IQSEC1: variants seen among roughly 807,000 people sequenced by gnomAD.
The protein encoded by IQSEC1 is IQ motif and SEC7 domain-containing protein 1.
Under a neutral mutation model 91.0 loss-of-function variants are expected in IQSEC1, and 31 were observed. That is an observed-to-expected ratio of 0.34 (90% CI 0.26 to 0.46). The LOEUF is 0.46. Ranked by LOEUF, IQSEC1 falls within the 20% of genes least tolerant of loss-of-function variation. The probability of loss-of-function intolerance (pLI) is 1.00; values close to 1 mark genes in which losing one functional copy is unlikely to be tolerated. For synonymous variants in IQSEC1, 699 were observed against 662.6 expected (o/e 1.05, Z -0.84); for missense variants, 1,388 against 1,575.6 (o/e 0.88, Z 2.02).
In IQSEC1 at chr3:12,908,853, G is replaced by A. The variant is rs910549332; in HGVS notation, c.2579-328C>T. Among the ~76,000 whole-genome samples, 1 of 152,050 alleles carries A rather than the reference G, an allele frequency of 6.6e-6. No individual in the cohort carries two copies. Among genetic ancestry groups the A allele is most frequent in the Admixed American group, 6.5e-5 (1 of 15,274 alleles). On this transcript the variant is annotated intron_variant, in intron 11 of 13. Coordinates refer to ENST00000613206, the MANE Select transcript of IQSEC1 (RefSeq NM_001134382.3). The surrounding 1 kb of genome is among the most constrained non-coding windows in gnomAD (Gnocchi z 4.9). The stretch of plus-strand genomic sequence containing the variant: ...GCCAGGGTCTTCCACAGAGAGGGCA[G>A]TGGTAGGGAGTCCCATGTGCCTCCA...
At chr3:12,960,495 T>A (rs2010330) in intron 1 of IQSEC1, 37,682 of 152,194 alleles carry the variant, frequency 0.25, 5,694 homozygotes, top group Non-Finnish European at 0.33. Context: ...CCTCCCTGCC[T>A]CTGCCTCAGG....
chr3:13,180,900 G>C (rs1157706328), intron 1 of IQSEC1, among the ~76,000 whole-genome samples: 1 of 152,156 alleles, frequency 6.6e-6, no homozygotes, highest in Non-Finnish European at 1.5e-5. Context: ...TTTAAGACCT[G>C]TAACACTCAC....
At chr3:13,177,357 G>A (rs944228820) in intron 1 of IQSEC1, among the ~76,000 whole-genome samples, 2 of 152,210 alleles carry the variant, frequency 1.3e-5, no homozygotes, top group African/African-American at 4.8e-5. Context: ...CCATCCCCAT[G>A]CTGGGTAGAG....
rs866542538 is a variant in IQSEC1 at position 13,282,974 on chromosome 3, G to T, written c.9C>A (p.Ser3Arg). The change falls in exon 1 of 16, where the codon AGC (serine) becomes AGA (arginine). Residue 3 changes from serine (S) to arginine (R), a missense_variant. Ser to Arg is a moderately radical substitution (Grantham distance 110). Transcript: ENST00000648114. This position sits in a 1 kb window ranked among gnomAD's most constrained non-coding sequence, Gnocchi z 6.4. ...CCGCCTGGCCGGGGGGCTCGGCGGC[G>T]CTGGCCATGGCCCCCCGCCCGGAGG... is the stretch of plus-strand genomic sequence containing the variant. Among the ~76,000 whole-genome samples, 1,022 of 146,218 alleles carry T rather than the reference G, an allele frequency of 7.0e-3. 10 individuals are homozygous for T. Among genetic ancestry groups the T allele is most frequent in the African/African-American group, 0.024 (969 of 40,834 alleles).
At chr3:12,968,436 G>A (rs1329076263) in intron 1 of IQSEC1, among the ~76,000 whole-genome samples, 1 of 152,118 alleles carries the variant, frequency 6.6e-6, no homozygotes, top group Non-Finnish European at 1.5e-5. Context: ...GCACTTTAGA[G>A]TTCTTTAGTG....
chr3:12,943,409 C>T (rs933307948), intron 1 of IQSEC1, among the ~76,000 whole-genome samples: 5 of 152,214 alleles, frequency 3.3e-5, no homozygotes, highest in Non-Finnish European at 5.9e-5. Context: ...CAGTGTAGGA[C>T]GAGCAGGGAA....
Position 13,118,686 on chromosome 3 carries a change from A to G in IQSEC1, c.302+45418T>C, listed in dbSNP as rs192044486. On this transcript the variant is annotated intron_variant, in intron 2 of 15. Transcript: ENST00000648114. ...AATAGAAAGTTATTGTTTAATGGAG[A>G]CAGTTTCAGCTGCAAAAAAAGAACG... Among the ~76,000 whole-genome samples, 230 of 152,298 alleles carry G rather than the reference A, an allele frequency of 1.5e-3. 1 individual carries two copies. The highest frequency in any genetic ancestry group is 5.3e-3 in the African/African-American group (221 of 41,558).
intron 1 of IQSEC1, among the ~76,000 whole-genome samples, chr3:13,238,846 G>T (rs77512186): frequency 0.14 from 20,761 of 152,162 alleles, 1,601 homozygotes; most frequent in East Asian, 0.3. Flanking sequence ...CCCTGGGAGG[G>T]CTCTGGCCAT....
Position 13,162,044 on chromosome 3 carries a change from G to A in IQSEC1, c.302+2060C>T, listed in dbSNP as rs572647795. Among the ~76,000 whole-genome samples the A allele has an allele frequency of 1.8e-4, 28 of 152,296 alleles. No homozygotes were observed. The South Asian group carries it at 3.1e-3, about 17-fold the overall frequency. On this transcript the variant is annotated intron_variant, in intron 2 of 15. Coordinates refer to the IQSEC1 transcript ENST00000648114. ...CCTGCCTGGCAAATGCTTTCCTGAT[G>A]ATCCGCTGGAGTGAACACCAGGCCG...
chr3:13,068,327 C>T (rs566242666), intron 1 of IQSEC1, among the ~76,000 whole-genome samples: 46 of 152,348 alleles, frequency 3.0e-4, no homozygotes, highest in African/African-American at 9.4e-4. Flanking sequence ...AAAGTCTGTT[C>T]CTCTCAGTCT....
chr3:13,043,481 A>C (rs996168849), intron 1 of IQSEC1, among the ~76,000 whole-genome samples: 1 of 152,054 alleles, frequency 6.6e-6, no homozygotes, highest in African/African-American at 2.4e-5. Context: ...TCTCGGGTGC[A>C]CTTCCTGCAG....
intron 2 of IQSEC1, among the ~76,000 whole-genome samples, chr3:13,160,618 G>C (rs1173000524): frequency 6.6e-6 from 1 of 152,218 alleles, no homozygotes; most frequent in Non-Finnish European, 1.5e-5. Context: ...AGGGTGTTGC[G>C]GGGGCAGTCT....
At chr3:13,249,222 A>C (rs9825302) in intron 1 of IQSEC1, among the ~76,000 whole-genome samples, 10,086 of 128,768 alleles carry the variant, frequency 0.078, 519 homozygotes, top group African/African-American at 0.16. Flanking sequence ...CCCAGGCTGG[A>C]GTGCAGTGGC....
intron 2 of IQSEC1, among the ~76,000 whole-genome samples, chr3:13,141,297 A>G (rs1027459763): frequency 1.3e-5 from 2 of 152,224 alleles, no homozygotes; most frequent in Non-Finnish European, 2.9e-5. Context: ...GGATGGATTT[A>G]AAGACAAGAG....
intron 1 of IQSEC1, among the ~76,000 whole-genome samples, chr3:13,247,781 C>G (rs887208345): frequency 1.3e-5 from 2 of 152,068 alleles, no homozygotes; most frequent in Non-Finnish European, 2.9e-5. Flanking sequence ...GTTGACACCC[C>G]CCAGCCACCT....
chr3:12,947,309 G>A (rs898109549), intron 1 of IQSEC1, among the ~76,000 whole-genome samples: 1 of 152,162 alleles, frequency 6.6e-6, no homozygotes, highest in Non-Finnish European at 1.5e-5. Flanking sequence ...AGCTGCGGCA[G>A]GTCAGACACC....
At chr3:12,955,669 C>A (rs890585829) in intron 1 of IQSEC1, among the ~76,000 whole-genome samples, 6 of 152,244 alleles carry the variant, frequency 3.9e-5, no homozygotes, top group Non-Finnish European at 8.8e-5. Context: ...TGCAGCCAAC[C>A]CCAGGACAGG....
chr3:13,173,395 G>A (rs1005465680), intron 1 of IQSEC1, among the ~76,000 whole-genome samples: 1 of 152,174 alleles, frequency 6.6e-6, no homozygotes, highest in Non-Finnish European at 1.5e-5. Flanking sequence ...CCTGCAGCCC[G>A]GGCTCCCCCG....
chr3:13,243,219 G>A (rs1043575814), intron 1 of IQSEC1, among the ~76,000 whole-genome samples: 9 of 152,148 alleles, frequency 5.9e-5, no homozygotes, highest in Non-Finnish European at 1.0e-4. Flanking sequence ...AGCCTTCCCC[G>A]AGGTAACTTC....
Sources: allele counts gnomAD v4.1 joint callset (sites outside exome capture counted in the v4.1 genomes callset), GRCh38; gene constraint gnomAD v4.1.1; non-coding constraint Gnocchi (gnomAD v3.1); transcripts MANE v1.5; gene names NCBI Gene and HGNC (gene_info 2026-07-23, HGNC 2026-07-21).